The following ZNF385D variants were observed in gnomAD, a reference collection of about 807,000 sequenced individuals.
ZNF385D encodes zinc finger protein 385D.
ZNF385D carries 15 observed loss-of-function variants against 35.8 expected under a neutral mutation model. The observed-to-expected ratio is 0.42, with a 90% CI of 0.28 to 0.64. The LOEUF is 0.64. ZNF385D is among the 30% of genes least tolerant of loss of function. The probability of loss-of-function intolerance (pLI) is 0.23; values close to 1 mark genes in which losing one functional copy is unlikely to be tolerated. For missense variants in ZNF385D, 474 were observed against 494.6 expected (o/e 0.96, Z 0.39); for synonymous variants, 212 against 186.8 (o/e 1.13, Z -1.10).
At chr3:21,549,831 AAATTT>A (rs2062506104) in intron 3 of ZNF385D, among the ~76,000 whole-genome samples, 1 of 152,220 alleles carries the variant, frequency 6.6e-6, no homozygotes, top group Non-Finnish European at 1.5e-5. Flanking sequence ...AGCTGCCTGA[AAATTT>A]AATTTATAAG....
Position 21,624,037 on chromosome 3 carries a change from T to C in ZNF385D, c.165+40849A>G, listed in dbSNP as rs114132073. ...TCAGAGACATAAATGGATTGAAGCATAAATCTAGTCAAGATGGAACCAGAA... is the reference window on the plus strand; with the variant it reads ...TCAGAGACATAAATGGATTGAAGCACAAATCTAGTCAAGATGGAACCAGAA... On this transcript the variant is annotated intron_variant, in intron 2 of 7. Coordinates refer to ENST00000281523, the MANE Select transcript of ZNF385D (RefSeq NM_024697.3). Among the ~76,000 whole-genome samples the C allele has an allele frequency of 5.9e-3, 904 of 152,226 alleles. 14 individuals carry two copies. Among genetic ancestry groups the C allele is most frequent in the African/African-American group, 0.021 (880 of 41,558 alleles).
intron 3 of ZNF385D, among the ~76,000 whole-genome samples, chr3:21,963,141 T>C (rs914571059): frequency 6.6e-6 from 1 of 152,196 alleles, no homozygotes; most frequent in Non-Finnish European, 1.5e-5. Flanking sequence ...GTACATAAAA[T>C]GCTCATTTTC....
At chr3:21,822,109 T>C (rs1207409579) in intron 3 of ZNF385D, among the ~76,000 whole-genome samples, 1 of 152,176 alleles carries the variant, frequency 6.6e-6, no homozygotes, top group African/African-American at 2.4e-5. Flanking sequence ...TCTCACTCTG[T>C]TGCCCAGGTT....
intron 2 of ZNF385D, among the ~76,000 whole-genome samples, chr3:21,578,244 T>C (rs2063551453): frequency 6.6e-6 from 1 of 152,208 alleles, no homozygotes. Context: ...GTTGAATGAA[T>C]AGTTTGCAAA....
chr3:22,077,851 T>C (rs1265674406), intron 3 of ZNF385D, among the ~76,000 whole-genome samples: 2 of 151,932 alleles, frequency 1.3e-5, no homozygotes, highest in Admixed American at 1.3e-4. Context: ...TTACTATTTA[T>C]TCATTTTCCA....
At chr3:21,834,338 T>C (rs555272623) in intron 3 of ZNF385D, among the ~76,000 whole-genome samples, 4 of 152,276 alleles carry the variant, frequency 2.6e-5, no homozygotes, top group Non-Finnish European at 4.4e-5. Context: ...GGCTCAGGAA[T>C]AGACATGTGC....
At chr3:21,822,941 G>A (rs1575721125) in intron 3 of ZNF385D, among the ~76,000 whole-genome samples, 2 of 151,898 alleles carry the variant, frequency 1.3e-5, no homozygotes, top group African/African-American at 4.8e-5. Context: ...ATTAAAAAAA[G>A]CAAATGAATT....
At chr3:21,754,024 C>T (rs954442238), upstream of ZNF385D, among the ~76,000 whole-genome samples, 3 of 152,156 alleles carry the variant, frequency 2.0e-5, no homozygotes, top group African/African-American at 7.2e-5. Flanking sequence ...GGATCTTCCT[C>T]TTTTAAAAGG....
chr3:21,959,981 A>G (rs1358176639), intron 3 of ZNF385D, among the ~76,000 whole-genome samples: 1 of 150,602 alleles, frequency 6.6e-6, no homozygotes, highest in African/African-American at 2.4e-5. Context: ...ACATTGGAGT[A>G]GGCAAATATT....
Position 22,125,427 on chromosome 3 carries a change from A to AT in ZNF385D, c.325+43389dup, listed in dbSNP as rs550135318. Among the ~76,000 whole-genome samples, 25 of 151,748 alleles carry AT rather than the reference A, an allele frequency of 1.6e-4. No individual in the cohort carries two copies. In the South Asian group the frequency reaches 3.3e-3, roughly 20 times the overall value. ...TTTATGGTTCCATATAATTTTTAGG[A>AT]TTTTTTTTCTATCTTTGTGAAGATT... On this transcript the variant is annotated intron_variant, in intron 3 of 5. Transcript: ENST00000494108.
rs146643412 is a variant in ZNF385D, at chr3:21,956,658, T to C, written c.325+212159A>G. Reference sequence around the variant, plus strand: ...CATCCTCTGCCTTTAGGAACACTTATGCAATGGTAAAAAGTGATAAATGAT... The same window carrying C: ...CATCCTCTGCCTTTAGGAACACTTACGCAATGGTAAAAAGTGATAAATGAT... On this transcript the variant is annotated intron_variant, in intron 3 of 5. Transcript: ENST00000494108. Among the ~76,000 whole-genome samples, 589 of 152,058 alleles carry C rather than the reference T, an allele frequency of 3.9e-3. 3 individuals carry two copies. The highest frequency in any genetic ancestry group is 0.013 in the African/African-American group (557 of 41,480).
At chr3:21,666,204 G>C (rs2066402188) in intron 1 of ZNF385D, among the ~76,000 whole-genome samples, 1 of 152,132 alleles carries the variant, frequency 6.6e-6, no homozygotes, top group South Asian at 2.1e-4. Context: ...TCAGTTACCA[G>C]AGCGCAAAAT....
intron 3 of ZNF385D, among the ~76,000 whole-genome samples, chr3:21,827,549 T>C (rs924917592): frequency 3.9e-5 from 6 of 152,174 alleles, no homozygotes; most frequent in Non-Finnish European, 8.8e-5. Flanking sequence ...TATACTAGAA[T>C]GGTAAAAATC....
intron 2 of ZNF385D, among the ~76,000 whole-genome samples, chr3:21,577,637 G>C (rs1229822409): frequency 6.6e-6 from 1 of 152,008 alleles, no homozygotes; most frequent in Non-Finnish European, 1.5e-5. Context: ...ACAGTGTATA[G>C]AAAGAGTTCC....
At chr3:22,316,479 A>T (rs2125437739) in intron 2 of ZNF385D, among the ~76,000 whole-genome samples, 1 of 152,306 alleles carries the variant, frequency 6.6e-6, no homozygotes, top group East Asian at 1.9e-4. Context: ...AAAACAGTTG[A>T]GACAAAAAAG....
At chr3:21,790,295 A>G (rs2071874305) in intron 3 of ZNF385D, among the ~76,000 whole-genome samples, 1 of 152,080 alleles carries the variant, frequency 6.6e-6, no homozygotes, top group Non-Finnish European at 1.5e-5. Context: ...ATTAGATGCC[A>G]ATTCTCATCA....
intron 3 of ZNF385D, among the ~76,000 whole-genome samples, chr3:21,785,181 GC>G (rs1393878637): frequency 2.0e-5 from 3 of 152,086 alleles, no homozygotes; most frequent in Non-Finnish European, 4.4e-5. Context: ...TAAGAGAGCA[GC>G]TAGAATGGAA....
chr3:22,214,163 T>G (rs981989880), intron 2 of ZNF385D, among the ~76,000 whole-genome samples: 1 of 152,116 alleles, frequency 6.6e-6, no homozygotes, highest in Non-Finnish European at 1.5e-5. Flanking sequence ...AATACTTTTA[T>G]AATTTCTTAT....
At chr3:22,146,759 A>G (rs1221031566) in intron 3 of ZNF385D, among the ~76,000 whole-genome samples, 1 of 152,184 alleles carries the variant, frequency 6.6e-6, no homozygotes, top group Non-Finnish European at 1.5e-5. Context: ...ATTAATCAAT[A>G]GAATTACATT....
Sources: allele counts gnomAD v4.1 joint callset (sites outside exome capture counted in the v4.1 genomes callset), GRCh38; gene constraint gnomAD v4.1.1; transcripts MANE v1.5; gene names NCBI Gene and HGNC (gene_info 2026-07-23, HGNC 2026-07-21).